Variants in ZFYVE9 observed in about 807,000 individuals in gnomAD.
ZFYVE9 encodes the protein zinc finger FYVE-type containing 9.
In ZFYVE9, 43 loss-of-function variants were observed where a neutral mutation model predicts 126.7. The ratio of observed to expected loss-of-function variants is 0.34; its 90% CI spans 0.27 to 0.44. The LOEUF (loss-of-function observed/expected upper bound fraction) is 0.44, where lower values mean the gene tolerates loss of function less well. Among genes scored for constraint, ZFYVE9 ranks in the 20% least tolerant of loss-of-function variants. The pLI is 1.00. For missense variants in ZFYVE9, 1,476 were observed against 1,697.0 expected (o/e 0.87, Z 2.29); for synonymous variants, 521 against 597.4 (o/e 0.87, Z 1.87).
intron 4 of ZFYVE9, among the ~76,000 whole-genome samples, chr1:52,254,727 G>C (rs1645487118): frequency 6.6e-6 from 1 of 152,116 alleles, no homozygotes; most frequent in South Asian, 2.1e-4. Context: ...AGCCCTTTGG[G>C]AGGCCAAGGT....
At chr1:52,326,441 G>T (rs1646292657) in intron 13 of ZFYVE9, among the ~76,000 whole-genome samples, 1 of 152,126 alleles carries the variant, frequency 6.6e-6, no homozygotes, top group Admixed American at 6.5e-5. Flanking sequence ...ATAACTCTAT[G>T]AAATAGTTAC....
At chr1:52,219,381 G>T (rs1248001016) in intron 2 of ZFYVE9, among the ~76,000 whole-genome samples, 1 of 152,120 alleles carries the variant, frequency 6.6e-6, no homozygotes, top group African/African-American at 2.4e-5. Context: ...GATGGTCCAT[G>T]ACTTTGCAAT....
chr1:52,238,007 T>G lies in ZFYVE9; in HGVS notation c.590T>G (p.Phe197Cys). The G allele has an allele frequency of 1.9e-6, 3 of 1,613,954 alleles. No homozygotes were observed. Among genetic ancestry groups the G allele is most frequent in the Non-Finnish European group, 2.5e-6 (3 of 1,179,946 alleles). ...AACAGACAAACTGATCAATTTAGTT[T>G]TAGTATAAATGAGTCCACTGAAAAA... ...NENRQTDQFS[F>C]SINESTEKDM... Residue 197 changes from phenylalanine to cysteine, a missense_variant, in exon 4 of 19, where the codon TTT becomes TGT. Around this residue, in one of 2 missense-constraint regions of ZFYVE9, gnomAD observed 807 missense variants for 794.6 expected, o/e 1.02. Transcript: ENST00000287727.
chr1:52,304,054 T>G (rs1646059726), intron 13 of ZFYVE9, 129 bp downstream of exon 13: 1 of 516,700 alleles, frequency 1.9e-6, no homozygotes. Flanking sequence ...TTGTATGGCT[T>G]AGTTCAATTA....
At chr1:52,154,575 G>T (rs1490342199) in intron 1 of ZFYVE9, among the ~76,000 whole-genome samples, 1 of 152,090 alleles carries the variant, frequency 6.6e-6, no homozygotes, top group East Asian at 1.9e-4. Flanking sequence ...ATGAAACAAA[G>T]ATTTTCATAC....
chr1:52,213,226 T>G (rs1341017813), intron 1 of ZFYVE9, among the ~76,000 whole-genome samples: 1 of 152,234 alleles, frequency 6.6e-6, no homozygotes, highest in Non-Finnish European at 1.5e-5. Flanking sequence ...CCCTTTCCCT[T>G]CCTTTATTTT....
intron 4 of ZFYVE9, among the ~76,000 whole-genome samples, chr1:52,243,891 G>A (rs754264511): frequency 6.6e-6 from 1 of 152,152 alleles, no homozygotes; most frequent in African/African-American, 2.4e-5. Context: ...TAGACTCAGG[G>A]CTGAGCCCAT....
intron 3 of ZFYVE9, 59 bp from the exon 4 acceptor site, chr1:52,237,429 A>T: frequency 7.3e-7 from 1 of 1,374,330 alleles, no homozygotes; most frequent in Non-Finnish European, 9.9e-7. Context: ...TTATTAACTT[A>T]GTCATAAGCT....
intron 4 of ZFYVE9, among the ~76,000 whole-genome samples, chr1:52,260,194 A>G (rs1645565363): frequency 6.6e-6 from 1 of 152,016 alleles, no homozygotes; most frequent in Non-Finnish European, 1.5e-5. Context: ...GTTAGATATT[A>G]TCAGTGTTTA....
chr1:52,239,415 A>G lies in ZFYVE9; in HGVS notation c.1998A>G (p.Pro666=). The change falls in exon 4 of 19, where the codon CCA becomes CCG. Residue 666 remains proline, a synonymous_variant. Coordinates refer to ENST00000287727, the MANE Select transcript of ZFYVE9 (RefSeq NM_004799.4). ...ISTRPCLALA[P]DSPDNDLRAG... is the part of the protein sequence containing the mutation. ...CTAGACCATGCCTTGCATTAGCTCC[A>G]GATAGCCCAGATAATGATCTCAGAG... 3 of 1,614,188 alleles carry G rather than the reference A, an allele frequency of 1.9e-6. No homozygotes were observed. Among genetic ancestry groups the G allele is most frequent in the Non-Finnish European group, 1.7e-6 (2 of 1,180,022 alleles).
intron 1 of ZFYVE9, among the ~76,000 whole-genome samples, chr1:52,188,882 G>A (rs1372547032): frequency 6.6e-6 from 1 of 151,980 alleles, no homozygotes; most frequent in Non-Finnish European, 1.5e-5. Flanking sequence ...ATTACTTTCA[G>A]TAGTTTTCAC....
chr1:52,171,999 G>A (rs1644576194), intron 1 of ZFYVE9, among the ~76,000 whole-genome samples: 1 of 152,044 alleles, frequency 6.6e-6, no homozygotes, highest in Non-Finnish European at 1.5e-5. Context: ...AAGCTCTTTA[G>A]TTTAATGAGA....
chr1:52,149,692 A>G (rs772486675), intron 1 of ZFYVE9, among the ~76,000 whole-genome samples: 6 of 152,112 alleles, frequency 3.9e-5, no homozygotes, highest in Non-Finnish European at 8.8e-5. Flanking sequence ...ACGGGGTTTC[A>G]CTATCTTGGC....
At position 52,238,088 on chromosome 1, in the gene ZFYVE9, G is replaced by A. The variant is rs772530964; in HGVS notation, c.671G>A (p.Arg224Lys). The A allele has an allele frequency of 2.5e-6, 4 of 1,614,032 alleles. No individual in the cohort carries two copies. Among genetic ancestry groups the A allele is most frequent in the Non-Finnish European group, 2.5e-6 (3 of 1,179,958 alleles). Residue 224 changes from arginine (R) to lysine (K), a missense_variant, in exon 4 of 19, where the codon AGA (arginine) becomes AAA (lysine). By Grantham distance (26) the Arg-to-Lys change is conservative. Coordinates refer to ENST00000287727, the MANE Select transcript of ZFYVE9 (RefSeq NM_004799.4). Reference protein sequence around the residue: ...DPLNRPKTEGRSVNHLCPTSS... With the variant: ...DPLNRPKTEGKSVNHLCPTSS... ...TTGAATAGACCGAAAACAGAGGGGA[G>A]ATCTGTTAACCATCTGTGTCCTACT...
chr1:52,262,658 A>T (rs754447604), intron 4 of ZFYVE9, among the ~76,000 whole-genome samples: 6 of 152,200 alleles, frequency 3.9e-5, no homozygotes, highest in Non-Finnish European at 8.8e-5. Flanking sequence ...TCTTGGTTCA[A>T]CTTTGTAAAG....
intron 2 of ZFYVE9, among the ~76,000 whole-genome samples, chr1:52,225,394 A>T (rs1022672441): frequency 1.3e-5 from 2 of 152,226 alleles, no homozygotes; most frequent in African/African-American, 4.8e-5. Flanking sequence ...TGCTCAGTGT[A>T]GTGAAAAGAA....
intron 1 of ZFYVE9, among the ~76,000 whole-genome samples, chr1:52,193,680 CT>C (rs1368267902): frequency 1.6e-5 from 2 of 121,780 alleles, no homozygotes; most frequent in African/African-American, 6.7e-5. Flanking sequence ...ACACTCAAGT[CT>C]GGGCAACAAG....
In ZFYVE9 at chr1:52,206,740, G is replaced by A. The variant is rs559074244; in HGVS notation, c.-142-9629G>A. Among the ~76,000 whole-genome samples the A allele has an allele frequency of 2.0e-5, 3 of 152,238 alleles. No individual in the cohort carries two copies. The South Asian group carries it at 6.2e-4, about 32-fold the overall frequency. Reference sequence around the variant, plus strand: ...AATTTTTGTATTTTTAGCAGAGACGGGGTTTCGCCATGTTGGCCAGGCTCT... The same window carrying A: ...AATTTTTGTATTTTTAGCAGAGACGAGGTTTCGCCATGTTGGCCAGGCTCT... On this transcript the variant is annotated intron_variant, in intron 1 of 18. Transcript: ENST00000287727.
chr1:52,262,528 A>G (rs1015100688), intron 4 of ZFYVE9, among the ~76,000 whole-genome samples: 2 of 152,190 alleles, frequency 1.3e-5, no homozygotes, highest in African/African-American at 2.4e-5. Context: ...TATCACATTT[A>G]AGAATGTCAA....
Sources: allele counts gnomAD v4.1 joint callset (sites outside exome capture counted in the v4.1 genomes callset), GRCh38; gene constraint gnomAD v4.1.1; regional missense constraint gnomAD v4.1.1; transcripts MANE v1.5; gene names NCBI Gene and HGNC (gene_info 2026-07-23, HGNC 2026-07-21).